The following SPI1 variants were observed in gnomAD, a reference collection of about 807,000 sequenced individuals.
SPI1 encodes transcription factor PU.1.
A neutral mutation model predicts 30.7 loss-of-function variants in SPI1; 3 were observed. That is an observed-to-expected ratio of 0.10 (90% CI 0.04 to 0.25). The LOEUF is 0.25. Ranked by LOEUF, SPI1 falls within the 10% of genes least tolerant of loss-of-function variation. The probability of loss-of-function intolerance (pLI) is 1.00; values close to 1 mark genes in which losing one functional copy is unlikely to be tolerated. For synonymous variants in SPI1, 169 were observed against 157.1 expected (o/e 1.08, Z -0.56); for missense variants, 261 against 371.5 (o/e 0.70, Z 2.45).
At chr11:47,371,242 T>C (rs373429806) in intron 2 of SPI1, among the ~76,000 whole-genome samples, 1 of 147,156 alleles carries the variant, frequency 6.8e-6, no homozygotes, top group Non-Finnish European at 1.5e-5. Flanking sequence ...CGCTTGTAGT[T>C]CCAGCTACTC....
At chr11:47,358,742 C>A in intron 4 of SPI1, 102 bp downstream of exon 4, 1 of 1,184,530 alleles carries the variant, frequency 8.4e-7, no homozygotes, top group Admixed American at 2.0e-5. Flanking sequence ...CACACACACG[C>A]GACTCGGTGG....
intron 2 of SPI1, among the ~76,000 whole-genome samples, chr11:47,372,087 T>C (rs4992357): frequency 0.69 from 104,879 of 151,754 alleles, 36,448 homozygotes; most frequent in African/African-American, 0.77. Context: ...CTGCAGAAAA[T>C]GGTCTCTTTG....
chr11:47,359,832 G>T lies in SPI1; in HGVS notation c.330+21C>A. The T allele has an allele frequency of 6.2e-7, 1 of 1,600,246 alleles. No homozygotes were observed. Among genetic ancestry groups the T allele is most frequent in the Non-Finnish European group, 8.5e-7 (1 of 1,179,132 alleles). ...CAGGCCTGGCAGTCTCCTGGGGGAC[G>T]GGGCAGGCGGTGGCATGCACCTGGT... On this transcript the variant is annotated intron_variant, in intron 3 of 4. Coordinates refer to ENST00000378538, the MANE Select transcript of SPI1 (RefSeq NM_003120.3). This position sits in a 1 kb window ranked among gnomAD's most constrained non-coding sequence, Gnocchi z 5.1.
rs1364247300 is a variant in SPI1 at position 47,359,223 on chromosome 11, ACCCAGCCCT to A, written c.331-226_331-218del. 1.3e-5 allele frequency among the ~76,000 whole-genome samples: 2 copies of A among 152,040 alleles called. No individual in the cohort carries two copies. Among genetic ancestry groups the A allele is most frequent in the Non-Finnish European group, 2.9e-5 (2 of 67,966 alleles). On this transcript the variant is annotated intron_variant, in intron 3 of 4. Coordinates refer to ENST00000378538, the MANE Select transcript of SPI1 (RefSeq NM_003120.3). This position sits in a 1 kb window ranked among gnomAD's most constrained non-coding sequence, Gnocchi z 5.1. ...GGCGAGGGGTGCTGACATCCAGCCC[ACCCAGCCCT>A]CCCAGCTGGGCCTCCTGGTTTAGGA...
intron 2 of SPI1, among the ~76,000 whole-genome samples, chr11:47,366,509 A>T (rs1481641320): frequency 1.3e-5 from 2 of 152,172 alleles, no homozygotes; most frequent in African/African-American, 4.8e-5. Flanking sequence ...AGAAGATCAC[A>T]GACCACTAGA....
In SPI1 at chr11:47,378,336, T is replaced by G. The variant is rs866492257; in HGVS notation, c.18A>C (p.Lys6Asn). 6.2e-7 allele frequency: 1 copy of G among 1,613,594 alleles called. No homozygotes were observed. The highest frequency in any genetic ancestry group is 1.7e-4 in the Middle Eastern group (1 of 6,052). ...GGGGGACGAGGGGAAACCCTTCCATTTTGCACGCCTGTAACATCCAGCCGG... is the reference window on the plus strand; with the variant it reads ...GGGGGACGAGGGGAAACCCTTCCATGTTGCACGCCTGTAACATCCAGCCGG... MLQAC[K>N]MEGFPLVPPP... Residue 6 changes from lysine to asparagine, a missense_variant, in exon 1 of 5, where the codon AAA becomes AAC. Physicochemically the swap from Lys to Asn is moderately conservative, Grantham distance 94. This residue lies in a region of SPI1 where 78 missense variants were observed against 93.2 expected (regional missense o/e 0.84). Transcript: ENST00000378538.
chr11:47,375,309 C>T lies in SPI1; in HGVS notation c.142+324G>A, dbSNP rs909574781. Among the ~76,000 whole-genome samples the T allele has an allele frequency of 3.3e-4, 50 of 152,194 alleles. No individual in the cohort carries two copies. The highest frequency in any genetic ancestry group is 1.3e-4 in the Admixed American group (2 of 15,288). On this transcript the variant is annotated intron_variant, in intron 2 of 4. Coordinates refer to ENST00000378538, the MANE Select transcript of SPI1 (RefSeq NM_003120.3). This position sits in a 1 kb window ranked among gnomAD's most constrained non-coding sequence, Gnocchi z 4.2. The stretch of plus-strand genomic sequence containing the variant: ...CTGGAGCGGACAGACCTGGGTTCCA[C>T]CCAGCAGCCGTGTGACCTTGTGCAA...
In SPI1 at chr11:47,355,029, G is replaced by T. The variant is rs764782105; in HGVS notation, c.*198C>A. 219 of 371,000 alleles carry T rather than the reference G, an allele frequency of 5.9e-4. 2 individuals carry two copies. Among genetic ancestry groups the T allele is most frequent in the Non-Finnish European group, 8.8e-5 (19 of 215,772 alleles). The allele number at this position is 371,000 out of a possible 1,614,324, so 23.0% of individuals were successfully genotyped here. ...GACGCCCAGCTGGCGTCCGGGAGCC[G>T]GGGTGGAGTCCTGGAGGGAGGCGAA... On this transcript the variant is annotated 3_prime_UTR_variant, in exon 5 of 5. Coordinates refer to ENST00000378538, the MANE Select transcript of SPI1 (RefSeq NM_003120.3).
At chr11:47,357,264 A>C (rs576863855) in intron 4 of SPI1, among the ~76,000 whole-genome samples, 4 of 141,652 alleles carry the variant, frequency 2.8e-5, no homozygotes, top group Non-Finnish European at 6.1e-5. Flanking sequence ...GCTCACATAC[A>C]TGCTCACACC....
chr11:47,360,493 G>A (rs1218192907), intron 2 of SPI1, among the ~76,000 whole-genome samples: 4 of 152,098 alleles, frequency 2.6e-5, no homozygotes, highest in Admixed American at 2.6e-4. Context: ...CACCAGAGCC[G>A]GCCCTCAGGG....
chr11:47,371,768 C>T (rs888840190), intron 2 of SPI1, among the ~76,000 whole-genome samples: 12 of 152,138 alleles, frequency 7.9e-5, no homozygotes, highest in Non-Finnish European at 1.6e-4. Context: ...CTGCTCAGAA[C>T]TCCCCAGTGG....
At position 47,358,750 on chromosome 11, in the gene SPI1, T is replaced by C. The variant is rs1230957519; in HGVS notation, c.493+94A>G. Reference sequence around the variant, plus strand: ...GCACACACACACACACGCGACTCGGTGGCGTGGCTGCTGGGTCAGTTGGCC... The same window carrying C: ...GCACACACACACACACGCGACTCGGCGGCGTGGCTGCTGGGTCAGTTGGCC... On this transcript the variant is annotated intron_variant, in intron 4 of 4. Coordinates refer to ENST00000378538, the MANE Select transcript of SPI1 (RefSeq NM_003120.3). The C allele has an allele frequency of 2.4e-6, 3 of 1,255,774 alleles. No individual in the cohort carries two copies. The Admixed American group carries it at 5.9e-5, about 25-fold the overall frequency. The allele number at this position is 1,255,774 out of a possible 1,614,324, so 77.8% of individuals were successfully genotyped here. A position where few individuals can be genotyped will look rare whatever the true frequency, so the allele number is the denominator to read the frequency against.
chr11:47,357,551 C>G (rs558941470), intron 4 of SPI1, among the ~76,000 whole-genome samples: 2 of 148,864 alleles, frequency 1.3e-5, no homozygotes, highest in South Asian at 4.3e-4. Flanking sequence ...CACCTGCTCT[C>G]ACACTCACAC....
At chr11:47,357,512 AG>A (rs1238346511) in intron 4 of SPI1, among the ~76,000 whole-genome samples, 34 of 151,270 alleles carry the variant, frequency 2.2e-4, no homozygotes, top group African/African-American at 7.3e-4. Context: ...ATCCACTCAC[AG>A]CAGCTCACAC....
In SPI1 at chr11:47,355,178, T is replaced by C. The variant is rs2095906137; in HGVS notation, c.*49A>G. On this transcript the variant is annotated 3_prime_UTR_variant, in exon 5 of 5. Coordinates refer to ENST00000378538, the MANE Select transcript of SPI1 (RefSeq NM_003120.3). ...GTGTCCGGGCCGGGCGAGGGCTTAATGCTATGGCCAGCGGGGAGGCCTGGC... is the reference window on the plus strand; with the variant it reads ...GTGTCCGGGCCGGGCGAGGGCTTAACGCTATGGCCAGCGGGGAGGCCTGGC... The C allele has an allele frequency of 3.1e-6, 4 of 1,280,316 alleles. No homozygotes were observed. Among genetic ancestry groups the C allele is most frequent in the Middle Eastern group, 4.8e-4 (2 of 4,168 alleles). The allele number at this position is 1,280,316 out of a possible 1,614,324, so 79.3% of individuals were successfully genotyped here.
At chr11:47,363,144 C>T (rs1306310869) in intron 2 of SPI1, among the ~76,000 whole-genome samples, 6 of 152,220 alleles carry the variant, frequency 3.9e-5, no homozygotes, top group Non-Finnish European at 7.3e-5. Context: ...TCACCTCCGT[C>T]TTCCCAGTGC....
chr11:47,373,008 TG>T (rs1274343012), intron 2 of SPI1, among the ~76,000 whole-genome samples: 1 of 152,116 alleles, frequency 6.6e-6, no homozygotes, highest in Non-Finnish European at 1.5e-5. Context: ...CAGAAGTGTG[TG>T]GGGGTCTCTA....
At position 47,355,440 on chromosome 11, in the gene SPI1, C is replaced by A; in HGVS notation, c.600G>T (p.Gln200His). Residue 200 changes from glutamine (Q) to histidine (H), a missense_variant, in exon 5 of 5, where the codon CAG (glutamine) becomes CAT (histidine). By Grantham distance (24) the Gln-to-His change is conservative. This residue lies in a region of SPI1 where 43 missense variants were observed against 123.8 expected (regional missense o/e 0.35). Coordinates refer to ENST00000378538, the MANE Select transcript of SPI1 (RefSeq NM_003120.3). ...GCGCCTCCTTGTGCTTGGACGAGAA[C>A]TGGAAGGTGCCCTTGTCCTTGTCCA... ...WWVDKDKGTF[Q>H]FSSKHKEALA... is the part of the protein sequence containing the mutation. 1 of 1,613,754 alleles carries A rather than the reference C, an allele frequency of 6.2e-7. No homozygotes were observed. The highest frequency in any genetic ancestry group is 8.5e-7 in the Non-Finnish European group (1 of 1,179,726).
chr11:47,363,685 G>A (rs552951952), intron 2 of SPI1, among the ~76,000 whole-genome samples: 15 of 151,758 alleles, frequency 9.9e-5, no homozygotes, highest in African/African-American at 3.4e-4. Context: ...CTCTCAGGCC[G>A]GGCATGGTGG....
Sources: gnomAD v4.1 joint callset for allele counts (sites outside exome capture counted in the v4.1 genomes callset) on GRCh38, gnomAD v4.1.1 for gene constraint, gnomAD v4.1.1 regional missense constraint, Gnocchi (gnomAD v3.1) non-coding constraint, MANE v1.5 for transcripts, NCBI Gene and HGNC (gene_info 2026-07-23, HGNC 2026-07-21) for gene names.